TTC21B: variants seen among roughly 807,000 people sequenced by gnomAD.
TTC21B encodes tetratricopeptide repeat domain 21B, also known as tetratricopeptide repeat protein 21B.
A neutral mutation model predicts 175.1 loss-of-function variants in TTC21B; 127 were observed. That is an observed-to-expected ratio of 0.73 (90% CI 0.63 to 0.84). The LOEUF (loss-of-function observed/expected upper bound fraction) is 0.84, where lower values mean the gene tolerates loss of function less well. Ranked by LOEUF, TTC21B falls within the 40% of genes least tolerant of loss-of-function variation. TTC21B has a pLI of 0.00. For missense variants in TTC21B, 1,561 were observed against 1,558.3 expected (o/e 1.00, Z -0.03); for synonymous variants, 524 against 524.5 (o/e 1.00, Z 0.01).
chr2:165,917,260 C>T lies in TTC21B; in HGVS notation c.1896G>A (p.Glu632=). ...ELIDVHRLNG[E]QHEATKVLQD... The stretch of plus-strand genomic sequence containing the variant: ...CTTAAATTAAAACTTGACCTACCTG[C>T]TCTCCATTTAAGCGGTGAACGTCTA... Residue 632 remains glutamate, a synonymous_variant, in exon 14 of 29, where the codon GAG becomes GAA. Coordinates refer to ENST00000243344, the MANE Select transcript of TTC21B (RefSeq NM_024753.5). 1 of 1,613,716 alleles carries T rather than the reference C, an allele frequency of 6.2e-7. No individual in the cohort carries two copies. Among genetic ancestry groups the T allele is most frequent in the South Asian group, 1.1e-5 (1 of 91,068 alleles).
intron 26 of TTC21B, among the ~76,000 whole-genome samples, chr2:165,881,880 C>CA (rs1378162052): frequency 6.6e-6 from 1 of 152,000 alleles, no homozygotes; most frequent in Non-Finnish European, 1.5e-5. Context: ...AATTTCTTAT[C>CA]ATTTTACTTT....
At position 165,877,689 on chromosome 2, in the gene TTC21B, A is replaced by G. The variant is rs921152439; in HGVS notation, c.3806-1457T>C. On this transcript the variant is annotated intron_variant, in intron 27 of 28. Transcript: ENST00000243344. ...AAGCGACACATGACTGCATATATATATGTGTGTATGTTTATATATGTGTGT... is the reference window on the plus strand; with the variant it reads ...AAGCGACACATGACTGCATATATATGTGTGTGTATGTTTATATATGTGTGT... Among the ~76,000 whole-genome samples, 5 of 152,134 alleles carry G rather than the reference A, an allele frequency of 3.3e-5. No homozygotes were observed. In the South Asian group the frequency reaches 8.3e-4, roughly 25 times the overall value.
intron 24 of TTC21B, among the ~76,000 whole-genome samples, chr2:165,889,929 CA>C (rs1685131647): frequency 6.6e-6 from 1 of 152,212 alleles, no homozygotes; most frequent in African/African-American, 2.4e-5. Flanking sequence ...GAAGAGAGGA[CA>C]AGCTACTAAT....
In TTC21B at chr2:165,949,430, CAAGTAGAGAACA is replaced by C. The variant is rs1187911053; in HGVS notation, c.214_225del (p.Cys72_Leu75del). 6.2e-7 allele frequency: 1 copy of C among 1,613,496 alleles called. No homozygotes were observed. The highest frequency in any genetic ancestry group is 1.3e-5 in the African/African-American group (1 of 74,872). The stretch of plus-strand genomic sequence containing the variant: ...CTCATTTTATGGGCATATATCAGTG[CAAGTAGAGAACA>C]AAGTGATACATCTTGTTTATTTTTA... On this transcript the variant is annotated inframe_deletion, in exon 3 of 29. Transcript: ENST00000243344.
At position 165,927,728 on chromosome 2, in the gene TTC21B, G is replaced by A. The variant is rs1334894433; in HGVS notation, c.1386+1407C>T. ...AAAATGGATTATGACTGGGGAGTCT[G>A]AGGTCAACCCCTGGTACAATTCTAT... On this transcript the variant is annotated intron_variant, in intron 11 of 28. Transcript: ENST00000243344. 2.0e-5 allele frequency among the ~76,000 whole-genome samples: 3 copies of A among 151,946 alleles called. No homozygotes were observed. The East Asian group carries it at 5.8e-4, about 29-fold the overall frequency.
At chr2:165,902,384 T>A (rs1031623890) in intron 19 of TTC21B, among the ~76,000 whole-genome samples, 3 of 152,244 alleles carry the variant, frequency 2.0e-5, no homozygotes, top group Non-Finnish European at 2.9e-5. Context: ...CTACACATAA[T>A]GATTCACTAG....
intron 24 of TTC21B, among the ~76,000 whole-genome samples, chr2:165,889,845 C>T (rs1685128154): frequency 6.6e-6 from 1 of 152,144 alleles, no homozygotes; most frequent in African/African-American, 2.4e-5. Context: ...TAATTAAACA[C>T]TCCTGAAGAC....
At chr2:165,888,105 C>T (rs572613374) in intron 25 of TTC21B, among the ~76,000 whole-genome samples, 174 bp downstream of exon 25, 1 of 152,296 alleles carries the variant, frequency 6.6e-6, no homozygotes, top group East Asian at 1.9e-4. Flanking sequence ...AAAACAGTAA[C>T]ATCGTCTCTT....
At chr2:165,940,849 T>C (rs574670181) in intron 6 of TTC21B, among the ~76,000 whole-genome samples, 178 bp downstream of exon 6, 1 of 152,320 alleles carries the variant, frequency 6.6e-6, no homozygotes, top group African/African-American at 2.4e-5. Flanking sequence ...ATCAAATATT[T>C]ATGTAAATCA....
intron 12 of TTC21B, among the ~76,000 whole-genome samples, chr2:165,922,333 A>T (rs1362429267): frequency 6.6e-6 from 1 of 152,088 alleles, no homozygotes; most frequent in Non-Finnish European, 1.5e-5. Flanking sequence ...CAGTTAAAAC[A>T]GAAGTCCATA....
chr2:165,938,339 A>G (rs2105356509), intron 6 of TTC21B, among the ~76,000 whole-genome samples: 1 of 152,220 alleles, frequency 6.6e-6, no homozygotes, highest in South Asian at 2.1e-4. Context: ...TAAGAAACAA[A>G]GAAAGAATGA....
intron 25 of TTC21B, among the ~76,000 whole-genome samples, chr2:165,885,500 T>C (rs746892103): frequency 1.6e-4 from 25 of 152,166 alleles, no homozygotes; most frequent in Non-Finnish European, 3.2e-4. Context: ...TTGTAGGTTA[T>C]GAAGAAGTGT....
Position 165,924,564 on chromosome 2 carries a change from C to A in TTC21B, c.1501G>T (p.Val501Leu). ...LLQTVFLIAK[V>L]KYLSGDIEAA... ...TATACTCTACCTGACAAATATTTCACTTTTGCTATTAGGAAGACTGTTTGC... is the reference window on the plus strand; with the variant it reads ...TATACTCTACCTGACAAATATTTCAATTTTGCTATTAGGAAGACTGTTTGC... The change falls in exon 12 of 29, where the codon GTG becomes TTG. Residue 501 changes from valine (V) to leucine (L), a missense_variant. Coordinates refer to ENST00000243344, the MANE Select transcript of TTC21B (RefSeq NM_024753.5). 1 of 1,613,534 alleles carries A rather than the reference C, an allele frequency of 6.2e-7. No individual in the cohort carries two copies. The highest frequency in any genetic ancestry group is 8.5e-7 in the Non-Finnish European group (1 of 1,179,722).
chr2:165,906,955 C>CAAAAAAAAAAAAAAAA (rs1160627145), intron 19 of TTC21B, among the ~76,000 whole-genome samples: 1 of 60,268 alleles, frequency 1.7e-5, no homozygotes, highest in African/African-American at 7.0e-5. Flanking sequence ...AACTCCGTCT[C>CAAAAAAAAAAAAAAAA]AAAAAAAAAA....
At position 165,931,748 on chromosome 2, in the gene TTC21B, G is replaced by C. The variant is rs1466521603; in HGVS notation, c.894+10C>G. The C allele has an allele frequency of 6.9e-6, 11 of 1,602,002 alleles. No individual in the cohort carries two copies. The African/African-American group carries it at 1.3e-4, about 20-fold the overall frequency. ...ATAACAGAGCTCTGGTACATGGTAG[G>C]CACTCTCACAGTTCTGCTGAAGGCG... On this transcript the variant is annotated intron_variant, in intron 8 of 28. Transcript: ENST00000243344.
chr2:165,899,214 A>T (rs564320799), intron 21 of TTC21B, among the ~76,000 whole-genome samples: 8 of 152,346 alleles, frequency 5.3e-5, no homozygotes, highest in East Asian at 1.9e-4. Flanking sequence ...TATGTGTTTA[A>T]AAATGCAGAT....
rs142391567 is a variant in TTC21B at position 165,924,794 on chromosome 2, CTTTGA to C, written c.1387-121_1387-117del. 977 of 1,206,082 alleles carry C rather than the reference CTTTGA, an allele frequency of 8.1e-4. 5 individuals carry two copies. In the African/African-American group the frequency reaches 0.013, roughly 16 times the overall value. The allele number at this position is 1,206,082 out of a possible 1,614,324, so 74.7% of individuals were successfully genotyped here. ...AGCTATATACATTTTTCTAAAATTT[CTTTGA>C]TTTAACTTATTTTGTAATACCTTTA... is the stretch of plus-strand genomic sequence containing the variant. On this transcript the variant is annotated intron_variant, in intron 11 of 28. Transcript: ENST00000243344.
intron 18 of TTC21B, among the ~76,000 whole-genome samples, chr2:165,909,239 A>C (rs1685849309): frequency 6.6e-6 from 1 of 152,144 alleles, no homozygotes; most frequent in African/African-American, 2.4e-5. Context: ...TGTGGAATAA[A>C]GTACATGGAT....
chr2:165,920,148 G>C (rs1445618096), intron 12 of TTC21B, among the ~76,000 whole-genome samples: 1 of 152,078 alleles, frequency 6.6e-6, no homozygotes, highest in Admixed American at 6.6e-5. Context: ...GATGTAACCC[G>C]CACTGATCTG....
Sources: gnomAD v4.1 joint callset for allele counts (sites outside exome capture counted in the v4.1 genomes callset) on GRCh38, gnomAD v4.1.1 for gene constraint, MANE v1.5 for transcripts, NCBI Gene and HGNC (gene_info 2026-07-23, HGNC 2026-07-21) for gene names.